The following GAD2 variants were observed in gnomAD, a reference collection of about 807,000 sequenced individuals.
The protein encoded by GAD2 is glutamate decarboxylase 2, also known as 65 kDa glutamic acid decarboxylase.
In GAD2, 22 loss-of-function variants were observed where a neutral mutation model predicts 80.1. That is an observed-to-expected ratio of 0.27 (90% CI 0.20 to 0.39). The LOEUF (loss-of-function observed/expected upper bound fraction) is 0.39, where lower values mean the gene tolerates loss of function less well. Among genes scored for constraint, GAD2 ranks in the 10% least tolerant of loss-of-function variants. The probability of loss-of-function intolerance (pLI) is 1.00; values close to 1 mark genes in which losing one functional copy is unlikely to be tolerated. For synonymous variants in GAD2, 274 were observed against 256.9 expected (o/e 1.07, Z -0.64); for missense variants, 624 against 738.4 (o/e 0.85, Z 1.80).
rs530191078 is a variant in GAD2 at position 26,264,467 on chromosome 10, C to G, written c.921-4652C>G. Among the ~76,000 whole-genome samples the G allele has an allele frequency of 3.9e-4, 57 of 145,614 alleles. No homozygotes were observed. The South Asian group carries it at 0.012, about 30-fold the overall frequency. ...GGGACTACAGGTGCCCACCACCACG[C>G]CCGGCTGATTTTTTGTATTTTTTTA... is the stretch of plus-strand genomic sequence containing the variant. On this transcript the variant is annotated intron_variant, in intron 8 of 15. Coordinates refer to ENST00000376261, the MANE Select transcript of GAD2 (RefSeq NM_001134366.2).
chr10:26,230,408 C>T (rs1844586880), intron 7 of GAD2, among the ~76,000 whole-genome samples: 1 of 151,418 alleles, frequency 6.6e-6, no homozygotes, highest in Admixed American at 6.6e-5. Context: ...ATTCTGCCCT[C>T]ATGGTGCCTT....
chr10:26,238,509 ACTT>A (rs2132282333), intron 7 of GAD2, among the ~76,000 whole-genome samples: 1 of 152,326 alleles, frequency 6.6e-6, no homozygotes, highest in African/African-American at 2.4e-5. Flanking sequence ...TTCATGTTAA[ACTT>A]AACCTGGTAC....
In GAD2 at chr10:26,301,890, G is replaced by C. The variant is rs754177938; in HGVS notation, c.*929G>C. The C allele has an allele frequency of 1.3e-5, 2 of 152,142 alleles. No homozygotes were observed. The highest frequency in any genetic ancestry group is 2.9e-5 in the Non-Finnish European group (2 of 68,034). 9.4% of individuals were successfully genotyped at this position (152,142 alleles called of 1,614,324 possible). ...GTAATTGTCTCTATTCTGCTTTCCA[G>C]TTCGGCCTGTTTTGAACAGAAGGTT... On this transcript the variant is annotated 3_prime_UTR_variant, in exon 16 of 16. Transcript: ENST00000376261.
At chr10:26,243,457 C>G (rs1844767498) in intron 7 of GAD2, among the ~76,000 whole-genome samples, 1 of 152,204 alleles carries the variant, frequency 6.6e-6, no homozygotes, top group Non-Finnish European at 1.5e-5. Context: ...GAGGAAGCAG[C>G]TCTTCTTTTG....
At chr10:26,274,783 G>A (rs1286459331) in intron 11 of GAD2, among the ~76,000 whole-genome samples, 7 of 152,326 alleles carry the variant, frequency 4.6e-5, no homozygotes, top group African/African-American at 1.7e-4. Context: ...TATGGTTACT[G>A]GGCTGGAGTC....
intron 3 of GAD2, among the ~76,000 whole-genome samples, 197 bp from the exon 4 acceptor site, chr10:26,218,846 G>T (rs1844418343): frequency 6.6e-6 from 1 of 152,164 alleles, no homozygotes; most frequent in South Asian, 2.1e-4. Flanking sequence ...GGGAAGAGAA[G>T]AAATCATAAT....
At chr10:26,216,627 A>ACACG, upstream of GAD2, 1 of 473,050 alleles carries the variant, frequency 2.1e-6, no homozygotes, top group Non-Finnish European at 3.7e-6. This position sits in a 1 kb window ranked among gnomAD's most constrained non-coding sequence, Gnocchi z 4.7. Flanking sequence ...TCGCATACAC[A>ACACG]CACGCACAGA....
intron 7 of GAD2, among the ~76,000 whole-genome samples, chr10:26,241,651 C>T (rs1231652103): frequency 6.6e-6 from 1 of 151,918 alleles, no homozygotes; most frequent in African/African-American, 2.4e-5. Flanking sequence ...TCCAAGTTTC[C>T]TCTGTCTGTA....
At chr10:26,247,023 C>T (rs1341790026) in intron 8 of GAD2, among the ~76,000 whole-genome samples, 1 of 152,138 alleles carries the variant, frequency 6.6e-6, no homozygotes. Context: ...TTGGATCTCG[C>T]GCAAGAAGGA....
intron 8 of GAD2, among the ~76,000 whole-genome samples, chr10:26,255,875 G>A (rs1844937012): frequency 6.6e-6 from 1 of 151,702 alleles, no homozygotes; most frequent in Admixed American, 6.6e-5. Flanking sequence ...CAACGGGAGA[G>A]TGATGTGTGA....
chr10:26,251,252 A>G (rs144374111), intron 8 of GAD2, among the ~76,000 whole-genome samples: 26 of 152,196 alleles, frequency 1.7e-4, no homozygotes, highest in African/African-American at 5.5e-4. Context: ...CCACATGATT[A>G]CAAACACAAA....
At chr10:26,263,078 T>C (rs1845027770) in intron 8 of GAD2, among the ~76,000 whole-genome samples, 1 of 152,180 alleles carries the variant, frequency 6.6e-6, no homozygotes, top group African/African-American at 2.4e-5. Flanking sequence ...ACTTGCATTG[T>C]TGTATAGTCA....
Position 26,217,487 on chromosome 10 carries a change from C to A in GAD2, c.77-123C>A. On this transcript the variant is annotated intron_variant, in intron 1 of 15. Coordinates refer to ENST00000376261, the MANE Select transcript of GAD2 (RefSeq NM_001134366.2). This position sits in a 1 kb window ranked among gnomAD's most constrained non-coding sequence, Gnocchi z 4.9. ...GCCTCACCGAGTCCTGAGCGGCCCCCAGGAGGAAGGCGGCCCCTCCTAGGA... is the reference window on the plus strand; with the variant it reads ...GCCTCACCGAGTCCTGAGCGGCCCCAAGGAGGAAGGCGGCCCCTCCTAGGA... 4 of 1,036,270 alleles carry A rather than the reference C, an allele frequency of 3.9e-6. No individual in the cohort carries two copies. The highest frequency in any genetic ancestry group is 5.9e-6 in the Non-Finnish European group (4 of 683,666). 64.2% of individuals were successfully genotyped at this position (1,036,270 alleles called of 1,614,324 possible).
intron 7 of GAD2, among the ~76,000 whole-genome samples, chr10:26,244,816 A>G (rs565484667): frequency 6.6e-6 from 1 of 152,286 alleles, no homozygotes; most frequent in South Asian, 2.1e-4. Context: ...GGATTGCACA[A>G]CACTGTGAAT....
chr10:26,246,740 C>T (rs970645215), intron 8 of GAD2, among the ~76,000 whole-genome samples: 3 of 152,192 alleles, frequency 2.0e-5, no homozygotes, highest in African/African-American at 4.8e-5. Flanking sequence ...ACGTTGATCC[C>T]GGTTCCCTGC....
In GAD2 at chr10:26,229,697, G is replaced by A. The variant is rs758427958; in HGVS notation, c.760G>A (p.Ala254Thr). Reference protein sequence around the residue: ...AISNMYAMMIARFKMFPEVKE... With the variant: ...AISNMYAMMITRFKMFPEVKE... ...ATCTAACATGTATGCCATGATGATC[G>A]CACGCTTTAAGATGTTCCCAGAAGT... The change falls in exon 7 of 16, where the codon GCA becomes ACA. Residue 254 changes from alanine to threonine, a missense_variant. Physicochemically the swap from Ala to Thr is moderately conservative, Grantham distance 58. Transcript: ENST00000376261. 8.1e-6 allele frequency: 13 copies of A among 1,613,898 alleles called. No individual in the cohort carries two copies. The highest frequency in any genetic ancestry group is 8.0e-5 in the African/African-American group (6 of 74,906).
At chr10:26,261,302 ATTT>A (rs1845006577) in intron 8 of GAD2, among the ~76,000 whole-genome samples, 2 of 152,200 alleles carry the variant, frequency 1.3e-5, no homozygotes, top group Admixed American at 6.5e-5. Context: ...TTGTGTTATT[ATTT>A]AAGTAGTTGA....
Position 26,229,774 on chromosome 10 carries a change from A to G in GAD2, c.837A>G (p.Glu279=), listed in dbSNP as rs2132275923. 1.2e-6 allele frequency: 2 copies of G among 1,606,402 alleles called. No individual in the cohort carries two copies. Among genetic ancestry groups the G allele is most frequent in the South Asian group, 2.2e-5 (2 of 90,804 alleles). The change falls in exon 7 of 16, where the codon GAA becomes GAG. Residue 279 remains glutamate, a synonymous_variant. Coordinates refer to ENST00000376261, the MANE Select transcript of GAD2 (RefSeq NM_001134366.2). ...ALPRLIAFTS[E]HSHFSLKKGA... ...CCAGGCTCATTGCCTTCACGTCTGA[A>G]CATGTATGTGTTTCTTTTCCTTGCA...
At chr10:26,239,136 A>G (rs1844710454) in intron 7 of GAD2, among the ~76,000 whole-genome samples, 1 of 152,228 alleles carries the variant, frequency 6.6e-6, no homozygotes, top group African/African-American at 2.4e-5. Context: ...AGGGTGTTGG[A>G]ACAAAAGAAT....
Sources: gnomAD v4.1 joint callset for allele counts (sites outside exome capture counted in the v4.1 genomes callset) on GRCh38, gnomAD v4.1.1 for gene constraint, Gnocchi (gnomAD v3.1) non-coding constraint, MANE v1.5 for transcripts, NCBI Gene and HGNC (gene_info 2026-07-23, HGNC 2026-07-21) for gene names.